Variants in ARHGAP25 observed in about 807,000 individuals in gnomAD.
ARHGAP25 encodes Rho GTPase activating protein 25, also known as rho GTPase-activating protein 25.
Under a neutral mutation model 71.0 loss-of-function variants are expected in ARHGAP25, and 34 were observed. The ratio of observed to expected loss-of-function variants is 0.48; its 90% CI spans 0.36 to 0.64. The LOEUF is 0.64. Ranked by LOEUF, ARHGAP25 falls within the 30% of genes least tolerant of loss-of-function variation. The pLI, the probability that ARHGAP25 is intolerant of heterozygous loss-of-function variation, is 0.00. For missense variants in ARHGAP25, 706 were observed against 805.1 expected (o/e 0.88, Z 1.49); for synonymous variants, 282 against 296.5 (o/e 0.95, Z 0.50).
intron 4 of ARHGAP25, among the ~76,000 whole-genome samples, chr2:68,792,920 T>C (rs1460320899): frequency 2.6e-5 from 4 of 152,174 alleles, no homozygotes; most frequent in Non-Finnish European, 4.4e-5. Flanking sequence ...TTTCTCTGCA[T>C]CTTGACCGAC....
At chr2:68,712,643 T>A (rs2104245251) in intron 2 of ARHGAP25, among the ~76,000 whole-genome samples, 1 of 152,336 alleles carries the variant, frequency 6.6e-6, no homozygotes, top group South Asian at 2.1e-4. Context: ...CAGTTTTAGG[T>A]CTTATGTTTA....
At chr2:68,766,826 C>G (rs551553061) in intron 1 of ARHGAP25, among the ~76,000 whole-genome samples, 1 of 152,178 alleles carries the variant, frequency 6.6e-6, no homozygotes, top group South Asian at 2.1e-4. Flanking sequence ...CTCACACACA[C>G]AGATAATTTC....
Position 68,807,354 on chromosome 2 carries a change from A to G in ARHGAP25, c.548A>G (p.Lys183Arg), listed in dbSNP as rs756321469. 6.2e-7 allele frequency: 1 copy of G among 1,614,234 alleles called. No individual in the cohort carries two copies. Among genetic ancestry groups the G allele is most frequent in the South Asian group, 1.1e-5 (1 of 91,088 alleles). The stretch of plus-strand genomic sequence containing the variant: ...CATCTGGTGCCCATCCTGGTGGAGA[A>G]ATGTGCAGAGTTCATCCTGGAGCAC... Reference protein sequence around the residue: ...GPHLVPILVEKCAEFILEHGR... With the variant: ...GPHLVPILVERCAEFILEHGR... The change falls in exon 5 of 11, where the codon AAA (lysine) becomes AGA (arginine). Residue 183 changes from lysine to arginine, a missense_variant. Lys to Arg is a conservative substitution (Grantham distance 26, BLOSUM62 2). Coordinates refer to ENST00000409202, the MANE Select transcript of ARHGAP25 (RefSeq NM_001007231.3).
At position 68,767,578 on chromosome 2, in the gene ARHGAP25, C is replaced by T. The variant is rs549989075; in HGVS notation, c.62-7643C>T. Among the ~76,000 whole-genome samples, 15 of 152,264 alleles carry T rather than the reference C, an allele frequency of 9.9e-5. No individual in the cohort carries two copies. The highest frequency in any genetic ancestry group is 3.3e-4 in the Admixed American group (5 of 15,298). On this transcript the variant is annotated intron_variant, in intron 1 of 10. Transcript: ENST00000409202. The surrounding 1 kb of genome is among the most constrained non-coding windows in gnomAD (Gnocchi z 4.6). ...TCAGCTGTGGTGTGGGCCTGACTGC[C>T]GGCCCACGGTAGCTTAGCTCACTCT... is the stretch of plus-strand genomic sequence containing the variant.
At chr2:68,796,811 T>C (rs1180064710) in intron 4 of ARHGAP25, among the ~76,000 whole-genome samples, 2 of 152,160 alleles carry the variant, frequency 1.3e-5, no homozygotes, top group Non-Finnish European at 2.9e-5. Flanking sequence ...CTGATTGTAG[T>C]AGTGGTGTAC....
At chr2:68,737,840 C>A (rs1052288029) in intron 1 of ARHGAP25, among the ~76,000 whole-genome samples, 1 of 152,082 alleles carries the variant, frequency 6.6e-6, no homozygotes, top group African/African-American at 2.4e-5. Flanking sequence ...TTTTGATGAG[C>A]TATGCTTCCA....
rs141376321 is a variant in ARHGAP25, at chr2:68,807,287, C to G, written c.481C>G (p.Arg161Gly). ...TCTCTCCTCAGCAGTGTTTGGCCAG[C>G]GCTTGGATGAGACTGTGGCCTATGA... ...GTPCGAVFGQ[R>G]LDETVAYEQK... Residue 161 changes from arginine to glycine, a missense_variant, in exon 5 of 11, where the codon CGC (arginine) becomes GGC (glycine). Arg to Gly is a moderately radical substitution (Grantham distance 125). Transcript: ENST00000409202. 3 of 1,614,220 alleles carry G rather than the reference C, an allele frequency of 1.9e-6. No individual in the cohort carries two copies. Among genetic ancestry groups the G allele is most frequent in the Non-Finnish European group, 1.7e-6 (2 of 1,180,032 alleles).
intron 5 of ARHGAP25, among the ~76,000 whole-genome samples, chr2:68,810,551 C>G (rs900220476): frequency 6.6e-6 from 1 of 152,092 alleles, no homozygotes; most frequent in African/African-American, 2.4e-5. Context: ...GCTAATTTTG[C>G]TCTTTTATTA....
intron 1 of ARHGAP25, among the ~76,000 whole-genome samples, chr2:68,740,590 C>A (rs1675469112): frequency 6.6e-6 from 1 of 152,168 alleles, no homozygotes; most frequent in Non-Finnish European, 1.5e-5. Context: ...AACATCTTGT[C>A]CACGGGGAGT....
At chr2:68,771,840 T>A (rs1677508373) in intron 1 of ARHGAP25, among the ~76,000 whole-genome samples, 1 of 152,202 alleles carries the variant, frequency 6.6e-6, no homozygotes, top group Non-Finnish European at 1.5e-5. Context: ...GAAACACTGG[T>A]TGGATGTAGA....
chr2:68,780,745 T>C (rs1233609409), intron 2 of ARHGAP25, among the ~76,000 whole-genome samples: 1 of 152,194 alleles, frequency 6.6e-6, no homozygotes, highest in Non-Finnish European at 1.5e-5. Flanking sequence ...TAGGCATTTT[T>C]ATTTCTAGAT....
intron 2 of ARHGAP25, among the ~76,000 whole-genome samples, chr2:68,776,076 G>A (rs566445208): frequency 6.6e-6 from 1 of 152,316 alleles, no homozygotes; most frequent in African/African-American, 2.4e-5. Context: ...GAGGGAATAA[G>A]CTGGGTAGAT....
At chr2:68,760,346 G>A (rs1676726791) in intron 1 of ARHGAP25, among the ~76,000 whole-genome samples, 1 of 151,892 alleles carries the variant, frequency 6.6e-6, no homozygotes, top group Non-Finnish European at 1.5e-5. Context: ...AGAGGAACTA[G>A]GTGAGGGAGA....
At chr2:68,806,338 C>T (rs72903606) in intron 4 of ARHGAP25, among the ~76,000 whole-genome samples, 2,166 of 152,262 alleles carry the variant, frequency 0.014, 51 homozygotes, top group African/African-American at 0.049. Context: ...ATAATTAGGA[C>T]ATAGTAAACA....
chr2:68,796,833 G>A (rs910792176), intron 4 of ARHGAP25, among the ~76,000 whole-genome samples: 5 of 152,162 alleles, frequency 3.3e-5, no homozygotes, highest in Non-Finnish European at 1.5e-5. Context: ...GGGCAGGTGA[G>A]TGGGCTTTTG....
At chr2:68,822,304 A>G in intron 9 of ARHGAP25, 36 bp from the exon 10 acceptor site, 5 of 1,586,688 alleles carry the variant, frequency 3.2e-6, no homozygotes, top group Non-Finnish European at 4.3e-6. Context: ...CAGAGGTGAA[A>G]ACCCCATGTG....
At chr2:68,783,878 A>G (rs1678533653) in intron 3 of ARHGAP25, among the ~76,000 whole-genome samples, 1 of 152,060 alleles carries the variant, frequency 6.6e-6, no homozygotes, top group South Asian at 2.1e-4. Context: ...CTTTCCACAA[A>G]GGTTATTCTG....
intron 4 of ARHGAP25, among the ~76,000 whole-genome samples, chr2:68,797,301 G>C (rs979423021): frequency 6.6e-6 from 1 of 152,178 alleles, no homozygotes; most frequent in African/African-American, 2.4e-5. Flanking sequence ...GGATAGGGAG[G>C]ATAGGGCTGT....
At chr2:68,791,893 T>A (rs1360780187) in intron 4 of ARHGAP25, among the ~76,000 whole-genome samples, 1 of 152,194 alleles carries the variant, frequency 6.6e-6, no homozygotes, top group Non-Finnish European at 1.5e-5. Flanking sequence ...CATTGGTGTT[T>A]CAGCCTTTTT....
Sources: gnomAD v4.1 joint callset for allele counts (sites outside exome capture counted in the v4.1 genomes callset) on GRCh38, gnomAD v4.1.1 for gene constraint, Gnocchi (gnomAD v3.1) non-coding constraint, MANE v1.5 for transcripts, NCBI Gene and HGNC (gene_info 2026-07-23, HGNC 2026-07-21) for gene names.